Variants in VPS8 observed in about 807,000 individuals in gnomAD.
The protein encoded by VPS8 is VPS8 subunit of CORVET complex.
In VPS8, 129 loss-of-function variants were observed where a neutral mutation model predicts 216.4. That is an observed-to-expected ratio of 0.60 (90% CI 0.52 to 0.69). VPS8 has a LOEUF of 0.69. Among genes scored for constraint, VPS8 ranks in the 30% least tolerant of loss-of-function variants. The pLI is 0.00. For missense variants in VPS8, 1,531 were observed against 1,683.5 expected, an observed-to-expected ratio of 0.91 and a Z score of 1.59; for synonymous variants, 571 against 565.4, an observed-to-expected ratio of 1.01 and a Z score of -0.14.
intron 43 of VPS8, 113 bp from the exon 44 acceptor site, chr3:184,996,219 A>G: frequency 1.6e-6 from 2 of 1,266,036 alleles, no homozygotes; most frequent in African/African-American, 3.0e-5. Context: ...GTGTGTTTCA[A>G]TTTTAGCTGT....
intron 29 of VPS8, among the ~76,000 whole-genome samples, chr3:184,924,286 G>T (rs750114816): frequency 6.6e-6 from 1 of 152,188 alleles, no homozygotes; most frequent in South Asian, 2.1e-4. Context: ...TTGATGGACA[G>T]ATTTTTAGTA....
intron 14 of VPS8, among the ~76,000 whole-genome samples, chr3:184,857,349 A>G (rs1021300555): frequency 2.0e-5 from 3 of 152,188 alleles, no homozygotes; most frequent in African/African-American, 4.8e-5. Flanking sequence ...TTTACTTTCA[A>G]CTCAACACAT....
At chr3:185,043,070 C>T (rs949469437) in intron 46 of VPS8, among the ~76,000 whole-genome samples, 8 of 152,248 alleles carry the variant, frequency 5.3e-5, no homozygotes, top group East Asian at 1.9e-4. Flanking sequence ...GGTAGGCACT[C>T]GGGCAGATGT....
chr3:184,997,584 C>T (rs1025871135), intron 44 of VPS8, among the ~76,000 whole-genome samples: 1 of 152,154 alleles, frequency 6.6e-6, no homozygotes, highest in Non-Finnish European at 1.5e-5. Flanking sequence ...GGATAGGATA[C>T]AGGATGAACA....
chr3:184,893,132 C>T (rs1732690659), intron 22 of VPS8: 1 of 426,422 alleles, frequency 2.3e-6, no homozygotes, highest in Non-Finnish European at 3.2e-6. Flanking sequence ...AAATAAATGG[C>T]TGTGGATTTT....
rs558687523 is a variant in VPS8 at position 184,834,632 on chromosome 3, T to C, written c.354-17T>C. 17 of 1,522,242 alleles carry C rather than the reference T, an allele frequency of 1.1e-5. No individual in the cohort carries two copies. In the African/African-American group the frequency reaches 1.8e-4, roughly 16 times the overall value. The allele number at this position is 1,522,242 out of a possible 1,614,324, so 94.3% of individuals were successfully genotyped here. ...TATTTTTATCTGTTTTTAAATGTTTTTCTTTTTTTTTTTCAGGAAGAAGAA... is the reference window on the plus strand; with the variant it reads ...TATTTTTATCTGTTTTTAAATGTTTCTCTTTTTTTTTTTCAGGAAGAAGAA... On this transcript the variant is annotated splice_polypyrimidine_tract_variant and intron_variant, in intron 4 of 47. Coordinates refer to ENST00000625842, the MANE Select transcript of VPS8 (RefSeq NM_001009921.3).
chr3:184,853,765 G>A (rs1251910237), intron 11 of VPS8, 92 bp from the exon 12 acceptor site: 4 of 1,311,542 alleles, frequency 3.0e-6, no homozygotes, highest in Non-Finnish European at 4.2e-6. Flanking sequence ...AAGGAGGTAG[G>A]AGGTAGGAGG....
At position 185,044,566 on chromosome 3, in the gene VPS8, A is replaced by G. The variant is rs1015006030; in HGVS notation, c.4057-3913A>G. 4.6e-5 allele frequency among the ~76,000 whole-genome samples: 7 copies of G among 151,980 alleles called. No homozygotes were observed. The East Asian group carries it at 5.8e-4, about 13-fold the overall frequency. ...TTCCCCTGTGCTGTGAACGGTCACC[A>G]TGTTGTTTCTTTTTAATTGTGGTAT... On this transcript the variant is annotated intron_variant, in intron 46 of 47. Coordinates refer to ENST00000625842, the MANE Select transcript of VPS8 (RefSeq NM_001009921.3).
intron 47 of VPS8, 52 bp downstream of exon 47, chr3:185,048,611 G>A: frequency 6.3e-7 from 1 of 1,596,478 alleles, no homozygotes; most frequent in South Asian, 1.1e-5. Context: ...ATAGTTTACT[G>A]CTTTAGACAG....
At chr3:184,853,267 G>T (rs1485125099) in intron 11 of VPS8, among the ~76,000 whole-genome samples, 2 of 152,162 alleles carry the variant, frequency 1.3e-5, no homozygotes, top group Non-Finnish European at 2.9e-5. Flanking sequence ...GTAAGGGTAA[G>T]GAAACAGCAA....
At chr3:184,869,846 G>A (rs1441544731) in intron 20 of VPS8, among the ~76,000 whole-genome samples, 2 of 152,160 alleles carry the variant, frequency 1.3e-5, no homozygotes, top group East Asian at 1.9e-4. Flanking sequence ...CTATGATTGC[G>A]GCACTGCACT....
chr3:184,967,173 C>G (rs914935565), intron 39 of VPS8, among the ~76,000 whole-genome samples: 3 of 152,108 alleles, frequency 2.0e-5, no homozygotes, highest in Non-Finnish European at 4.4e-5. Flanking sequence ...ACCTGTCACC[C>G]AGGCTGGTCT....
intron 16 of VPS8, among the ~76,000 whole-genome samples, chr3:184,863,758 T>TA (rs1210917491): frequency 6.6e-6 from 1 of 152,226 alleles, no homozygotes; most frequent in Non-Finnish European, 1.5e-5. Context: ...GTAGGAAATT[T>TA]AGACCATTGT....
intron 42 of VPS8, among the ~76,000 whole-genome samples, chr3:184,991,729 A>G (rs553008398): frequency 6.6e-6 from 1 of 152,336 alleles, no homozygotes; most frequent in East Asian, 1.9e-4. Context: ...GACCAAAAGT[A>G]TAATTAAGCA....
At chr3:184,916,011 C>T (rs968652668) in intron 28 of VPS8, among the ~76,000 whole-genome samples, 1 of 151,930 alleles carries the variant, frequency 6.6e-6, no homozygotes, top group Non-Finnish European at 1.5e-5. Flanking sequence ...CCTTTCCTCC[C>T]TCTCTCCTTC....
intron 35 of VPS8, among the ~76,000 whole-genome samples, chr3:184,939,420 A>G (rs1361100263): frequency 6.6e-6 from 1 of 152,104 alleles, no homozygotes; most frequent in Non-Finnish European, 1.5e-5. Flanking sequence ...ACAAAGAAAA[A>G]CTAAACAATA....
intron 36 of VPS8, among the ~76,000 whole-genome samples, chr3:184,946,598 CA>C (rs1743722090): frequency 1.3e-5 from 2 of 152,150 alleles, no homozygotes; most frequent in African/African-American, 4.8e-5. Context: ...TCCTGGTATA[CA>C]AGGCCCTTCT....
intron 40 of VPS8, among the ~76,000 whole-genome samples, chr3:184,974,114 A>G (rs1446987389): frequency 6.6e-6 from 1 of 152,126 alleles, no homozygotes; most frequent in Non-Finnish European, 1.5e-5. Flanking sequence ...TAGTTTCTTC[A>G]GGAACCCCCA....
intron 3 of VPS8, among the ~76,000 whole-genome samples, chr3:184,829,178 C>T (rs80304332): frequency 2.6e-5 from 4 of 152,208 alleles, no homozygotes; most frequent in African/African-American, 9.6e-5. Context: ...TTGGCATGTA[C>T]ATACTTACAC....
Sources: gnomAD v4.1 joint callset for allele counts (sites outside exome capture counted in the v4.1 genomes callset) on GRCh38, gnomAD v4.1.1 for gene constraint, MANE v1.5 for transcripts, NCBI Gene and HGNC (gene_info 2026-07-23, HGNC 2026-07-21) for gene names.